KIRREL3: variants seen among roughly 807,000 people sequenced by gnomAD.
KIRREL3 encodes kin of IRRE-like protein 3.
In KIRREL3, 36 loss-of-function variants were observed where a neutral mutation model predicts 89.7. The observed-to-expected ratio is 0.40, with a 90% confidence interval of 0.31 to 0.53. KIRREL3 has a LOEUF of 0.53. Ranked by LOEUF, KIRREL3 falls within the 20% of genes least tolerant of loss-of-function variation. The pLI is 0.49. For missense variants in KIRREL3, 864 were observed against 1,056.6 expected (o/e 0.82, Z 2.53); for synonymous variants, 445 against 441.4 (o/e 1.01, Z -0.10).
intron 1 of KIRREL3, among the ~76,000 whole-genome samples, chr11:126,858,943 C>T (rs1029375918): frequency 2.6e-5 from 4 of 152,200 alleles, no homozygotes; most frequent in African/African-American, 9.7e-5. Flanking sequence ...TGAGGTTCTG[C>T]TCCTGGCTGT....
chr11:126,485,131 GT>G lies in KIRREL3; in HGVS notation c.434-11666del, dbSNP rs1957322106. On this transcript the variant is annotated intron_variant, in intron 4 of 16. Transcript: ENST00000525144. The surrounding 1 kb of genome is among the most constrained non-coding windows in gnomAD (Gnocchi z 5.8). ...ACTGCGCCCGGCCACAAGTGGGATTGTTAAAGGATGTGGCATCCGATATATT... is the reference window on the plus strand; with the variant it reads ...ACTGCGCCCGGCCACAAGTGGGATTGTAAAGGATGTGGCATCCGATATATT... 6.6e-6 allele frequency among the ~76,000 whole-genome samples: 1 copy of G among 152,064 alleles called. No individual in the cohort carries two copies. The highest frequency in any genetic ancestry group is 1.5e-5 in the Non-Finnish European group (1 of 67,986).
intron 1 of KIRREL3, among the ~76,000 whole-genome samples, chr11:126,712,602 G>T (rs1947806753): frequency 6.6e-6 from 1 of 152,198 alleles, no homozygotes; most frequent in Non-Finnish European, 1.5e-5. Context: ...TCAGAGGCAG[G>T]ACGCAGGCAG....
chr11:126,431,057 T>TG lies in KIRREL3; in HGVS notation c.1696+361dup. On this transcript the variant is annotated intron_variant, in intron 14 of 16. Transcript: ENST00000525144. This position sits in a 1 kb window ranked among gnomAD's most constrained non-coding sequence, Gnocchi z 7.1. The stretch of plus-strand genomic sequence containing the variant: ...CTTTATTTTTATTTTGTTGTAGAGA[T>TG]GGGGTCTCTCTAGACTAACAGCTCT... 2 of 1,281,490 alleles carry TG rather than the reference T, an allele frequency of 1.6e-6. No individual in the cohort carries two copies. Among genetic ancestry groups the TG allele is most frequent in the Non-Finnish European group, 9.9e-7 (1 of 1,015,138 alleles). The allele number at this position is 1,281,490 out of a possible 1,614,324, so 79.4% of individuals were successfully genotyped here. A position where few individuals can be genotyped will look rare whatever the true frequency, so the allele number is the denominator to read the frequency against.
At chr11:126,437,713 G>A (rs540956009) in intron 11 of KIRREL3, among the ~76,000 whole-genome samples, 35 of 151,866 alleles carry the variant, frequency 2.3e-4, no homozygotes, top group Admixed American at 5.2e-4. Flanking sequence ...GCCACTCCCC[G>A]AAATACATGT....
rs923149563 is a variant in KIRREL3, at chr11:126,607,326, C to T, written c.56-44414G>A. Reference sequence around the variant, plus strand: ...TTGGTGTGGTTTTGGGCAGACAGAACGGGTTTCTTATGGCTGGGGCTGCTT... The same window carrying T: ...TTGGTGTGGTTTTGGGCAGACAGAATGGGTTTCTTATGGCTGGGGCTGCTT... On this transcript the variant is annotated intron_variant, in intron 1 of 16. Transcript: ENST00000525144. This position sits in a 1 kb window ranked among gnomAD's most constrained non-coding sequence, Gnocchi z 6.6. Among the ~76,000 whole-genome samples, 9 of 152,150 alleles carry T rather than the reference C, an allele frequency of 5.9e-5. No homozygotes were observed. Among genetic ancestry groups the T allele is most frequent in the Admixed American group, 2.6e-4 (4 of 15,278 alleles).
Position 126,934,014 on chromosome 11 carries a change from A to ACC in KIRREL3, c.55+66440_55+66441insGG, listed in dbSNP as rs1565436423. ...TCTGGAAAAGACAAAAAAAAAAAAAAATGCAAAAGAACAAAGTTGGAGCAT... is the reference window on the plus strand; with the variant it reads ...TCTGGAAAAGACAAAAAAAAAAAAAACCATGCAAAAGAACAAAGTTGGAGCAT... On this transcript the variant is annotated intron_variant, in intron 1 of 16. Transcript: ENST00000525144. 4.2e-5 allele frequency among the ~76,000 whole-genome samples: 6 copies of ACC among 141,646 alleles called. No individual in the cohort carries two copies. The South Asian group carries it at 6.6e-4, about 16-fold the overall frequency. The allele number at this position is 141,646 out of a possible 152,430, so 92.9% of individuals were successfully genotyped here. A position where few individuals can be genotyped will look rare whatever the true frequency, so the allele number is the denominator to read the frequency against.
chr11:126,548,827 AGTGGGCTCACCAC>A (rs1187517963), intron 2 of KIRREL3, among the ~76,000 whole-genome samples: 1 of 152,180 alleles, frequency 6.6e-6, no homozygotes, highest in Non-Finnish European at 1.5e-5. Context: ...CAATGACGTC[AGTGGGCTCACCAC>A]GTGGGTGGGT....
chr11:126,998,992 GGTAATCT>G (rs1179001297), intron 1 of KIRREL3, among the ~76,000 whole-genome samples: 18 of 139,790 alleles, frequency 1.3e-4, no homozygotes, highest in African/African-American at 4.9e-4. Context: ...CAAGAAAGAG[GGTAATCT>G]TACCAAATGG....
At position 126,488,790 on chromosome 11, in the gene KIRREL3, C is replaced by T. The variant is rs188443054; in HGVS notation, c.434-15324G>A. 2.3e-3 allele frequency among the ~76,000 whole-genome samples: 347 copies of T among 152,308 alleles called. 2 individuals carry two copies. The highest frequency in any genetic ancestry group is 0.017 in the South Asian group (83 of 4,816). ...TCCTACCTGTTCCCCACAGGGGATC[C>T]CCCCAAAATGACGATCTAATCAAGT... On this transcript the variant is annotated intron_variant, in intron 4 of 16. Coordinates refer to ENST00000525144, the MANE Select transcript of KIRREL3 (RefSeq NM_032531.4).
chr11:126,756,910 C>T (rs1949521075), intron 1 of KIRREL3, among the ~76,000 whole-genome samples: 1 of 152,194 alleles, frequency 6.6e-6, no homozygotes, highest in African/African-American at 2.4e-5. Context: ...CTCGAAGGCA[C>T]CACCTGCACT....
At chr11:126,581,513 T>G (rs1941553662) in intron 1 of KIRREL3, among the ~76,000 whole-genome samples, 1 of 152,206 alleles carries the variant, frequency 6.6e-6, no homozygotes, top group South Asian at 2.1e-4. Flanking sequence ...ATATTCAATT[T>G]TAAAACTTTC....
At position 126,541,105 on chromosome 11, in the gene KIRREL3, G is replaced by A. The variant is rs1190029033; in HGVS notation, c.134-14418C>T. ...TCAACCCCTCTCAGAGGGCGTCAGCGTGGGCACCACCAGGAGAGGCTGGAG... is the reference window on the plus strand; with the variant it reads ...TCAACCCCTCTCAGAGGGCGTCAGCATGGGCACCACCAGGAGAGGCTGGAG... On this transcript the variant is annotated intron_variant, in intron 2 of 16. Transcript: ENST00000525144. The surrounding 1 kb of genome is among the most constrained non-coding windows in gnomAD (Gnocchi z 4.8). 6.6e-6 allele frequency among the ~76,000 whole-genome samples: 1 copy of A among 152,214 alleles called. No individual in the cohort carries two copies. The highest frequency in any genetic ancestry group is 1.5e-5 in the Non-Finnish European group (1 of 68,038).
intron 1 of KIRREL3, among the ~76,000 whole-genome samples, chr11:126,992,141 A>G (rs1263653803): frequency 1.3e-5 from 2 of 152,210 alleles, no homozygotes; most frequent in African/African-American, 2.4e-5. Context: ...AGGCACCTAC[A>G]AGAAAATTTG....
rs145979589 is a variant in KIRREL3, at chr11:126,684,288, C to T, written c.56-121376G>A. On this transcript the variant is annotated intron_variant, in intron 1 of 16. Transcript: ENST00000525144. This position sits in a 1 kb window ranked among gnomAD's most constrained non-coding sequence, Gnocchi z 4.2. Reference sequence around the variant, plus strand: ...GGACCCATTTCTGCCCTTCTGAAAGCGGGAGTTAGACTAGATTGGGGCTTT... The same window carrying T: ...GGACCCATTTCTGCCCTTCTGAAAGTGGGAGTTAGACTAGATTGGGGCTTT... Among the ~76,000 whole-genome samples, 3 of 152,212 alleles carry T rather than the reference C, an allele frequency of 2.0e-5. No homozygotes were observed. Among genetic ancestry groups the T allele is most frequent in the South Asian group, 2.1e-4 (1 of 4,830 alleles).
At position 126,748,577 on chromosome 11, in the gene KIRREL3, C is replaced by T. The variant is rs1369204555; in HGVS notation, c.56-185665G>A. Among the ~76,000 whole-genome samples the T allele has an allele frequency of 6.6e-6, 1 of 151,982 alleles. No individual in the cohort carries two copies. Among genetic ancestry groups the T allele is most frequent in the Non-Finnish European group, 1.5e-5 (1 of 68,016 alleles). ...CATTAATATTGTTGAAGGGCAAGGG[C>T]GGGGCAGGAAGGGAGGGAATCGTGT... On this transcript the variant is annotated intron_variant, in intron 1 of 16. Coordinates refer to ENST00000525144, the MANE Select transcript of KIRREL3 (RefSeq NM_032531.4). This position sits in a 1 kb window ranked among gnomAD's most constrained non-coding sequence, Gnocchi z 4.6.
chr11:126,856,122 T>G (rs1944498000), intron 1 of KIRREL3, among the ~76,000 whole-genome samples: 1 of 152,186 alleles, frequency 6.6e-6, no homozygotes. Flanking sequence ...TTGTGGGGTA[T>G]GTGTCTCTGC....
intron 1 of KIRREL3, among the ~76,000 whole-genome samples, chr11:126,838,617 G>A (rs1167994186): frequency 6.6e-6 from 1 of 152,206 alleles, no homozygotes; most frequent in Non-Finnish European, 1.5e-5. Flanking sequence ...TCAGCATGGA[G>A]TATGAGTTCA....
chr11:126,886,638 G>A (rs1945706732), intron 1 of KIRREL3, among the ~76,000 whole-genome samples: 1 of 152,186 alleles, frequency 6.6e-6, no homozygotes, highest in African/African-American at 2.4e-5. Flanking sequence ...TGGGTCCTCT[G>A]AAGTTTTCTG....
rs368414254 is a variant in KIRREL3, at chr11:126,891,970, C to T, written c.55+108485G>A. Among the ~76,000 whole-genome samples, 3 of 152,332 alleles carry T rather than the reference C, an allele frequency of 2.0e-5. No homozygotes were observed. The highest frequency in any genetic ancestry group is 2.0e-4 in the Admixed American group (3 of 15,308). On this transcript the variant is annotated intron_variant, in intron 1 of 16. Coordinates refer to ENST00000525144, the MANE Select transcript of KIRREL3 (RefSeq NM_032531.4). This position sits in a 1 kb window ranked among gnomAD's most constrained non-coding sequence, Gnocchi z 5.1. ...CAGGAAGCCTAGGAATTCTAGGCCA[C>T]TGCCAGCATTGGGAATGGTTGGCTC...
Sources: allele counts gnomAD v4.1 joint callset (sites outside exome capture counted in the v4.1 genomes callset), GRCh38; gene constraint gnomAD v4.1.1; non-coding constraint Gnocchi (gnomAD v3.1); transcripts MANE v1.5; gene names NCBI Gene and HGNC (gene_info 2026-07-23, HGNC 2026-07-21).